Variants in RFX3 observed in about 807,000 individuals in gnomAD.
RFX3 encodes regulatory factor X3, also known as transcription factor RFX3.
RFX3 carries 14 observed loss-of-function variants against 98.6 expected under a neutral mutation model. That is an observed-to-expected ratio of 0.14 (90% confidence interval 0.09 to 0.22). The LOEUF (loss-of-function observed/expected upper bound fraction) is 0.22. RFX3 is among the 10% of genes least tolerant of loss of function. The pLI is 1.00. For synonymous variants in RFX3, 383 were observed against 328.4 expected, an observed-to-expected ratio of 1.17 and a Z score of -1.80; for missense variants, 639 against 926.9, an observed-to-expected ratio of 0.69 and a Z score of 4.03.
chr9:3,457,601 C>T (rs1847312663), intron 1 of RFX3, among the ~76,000 whole-genome samples: 1 of 152,048 alleles, frequency 6.6e-6, no homozygotes, highest in Non-Finnish European at 1.5e-5. Flanking sequence ...GAACATGTTC[C>T]AGTACTTAGT....
At chr9:3,450,779 T>G (rs779377928) in intron 1 of RFX3, among the ~76,000 whole-genome samples, 4 of 152,202 alleles carry the variant, frequency 2.6e-5, no homozygotes, top group Non-Finnish European at 5.9e-5. Flanking sequence ...AAAACAGTAA[T>G]AAGAATTCTT....
chr9:3,285,263 T>C (rs917568172), intron 7 of RFX3, among the ~76,000 whole-genome samples: 2 of 151,866 alleles, frequency 1.3e-5, no homozygotes, highest in East Asian at 1.9e-4. Context: ...TTCTATTTTA[T>C]ACTTTAAACC....
intron 1 of RFX3, chr9:3,420,734 T>A (rs1360966611): frequency 2.1e-6 from 2 of 951,640 alleles, no homozygotes; most frequent in African/African-American, 3.6e-5. Context: ...AACCCCTGTA[T>A]CCTTCCATAA....
chr9:3,400,863 G>T (rs972139643), intron 1 of RFX3, among the ~76,000 whole-genome samples: 2 of 152,128 alleles, frequency 1.3e-5, no homozygotes, highest in South Asian at 4.1e-4. Context: ...AGGCACAAAT[G>T]GATTAAATAA....
chr9:3,254,054 AAAT>A (rs1252233889), intron 14 of RFX3, among the ~76,000 whole-genome samples: 2 of 152,246 alleles, frequency 1.3e-5, no homozygotes, highest in African/African-American at 4.8e-5. Flanking sequence ...TTTGAAACGA[AAAT>A]AATAACTATA....
Position 3,400,082 on chromosome 9 carries a change from G to C in RFX3, c.-8-4486C>G, listed in dbSNP as rs147622942. 1.6e-5 allele frequency: 3 copies of C among 184,102 alleles called. No homozygotes were observed. The Admixed American group carries it at 2.0e-4, about 12-fold the overall frequency. 11.4% of individuals were successfully genotyped at this position (184,102 alleles called of 1,614,324 possible). A position where few individuals can be genotyped will look rare whatever the true frequency, so the allele number is the denominator to read the frequency against. ...GAAATGTATCACTAGATTAAAACTA[G>C]TGATTTTATCAATAGATGTATCACT... On this transcript the variant is annotated intron_variant, in intron 1 of 16. Transcript: ENST00000617270.
chr9:3,476,738 G>A (rs1380762829), intron 1 of RFX3, among the ~76,000 whole-genome samples: 3 of 152,168 alleles, frequency 2.0e-5, no homozygotes, highest in African/African-American at 7.2e-5. Context: ...AGAAAAAAAT[G>A]TTACAAACAA....
intron 1 of RFX3, among the ~76,000 whole-genome samples, chr9:3,445,885 G>T (rs763134856): frequency 6.6e-6 from 1 of 152,218 alleles, no homozygotes; most frequent in South Asian, 2.1e-4. Flanking sequence ...CCTGGTGAAT[G>T]AAGTTTTATC....
rs549304524 is a variant in RFX3, at chr9:3,389,047, G to C, written c.117+6425C>G. Among the ~76,000 whole-genome samples the C allele has an allele frequency of 4.6e-5, 7 of 152,230 alleles. No homozygotes were observed. The East Asian group carries it at 1.4e-3, about 29-fold the overall frequency. ...TTAGAGCCATGGTCAAGATGGCTTA[G>C]AAATTATCCTCAATGTTAGCAGTAT... On this transcript the variant is annotated intron_variant, in intron 2 of 16. Transcript: ENST00000617270.
At chr9:3,415,034 T>C (rs1736053292) in intron 1 of RFX3, among the ~76,000 whole-genome samples, 1 of 127,564 alleles carries the variant, frequency 7.8e-6, no homozygotes, top group East Asian at 2.2e-4. Context: ...ATATATTTAC[T>C]TTTATATATA....
intron 1 of RFX3, among the ~76,000 whole-genome samples, chr9:3,412,197 G>A (rs916221220): frequency 2.6e-5 from 4 of 152,096 alleles, no homozygotes; most frequent in African/African-American, 9.7e-5. Context: ...GACCACTAAA[G>A]GTCAACACTA....
intron 1 of RFX3, among the ~76,000 whole-genome samples, chr9:3,426,438 C>T (rs1844040783): frequency 6.6e-6 from 1 of 151,894 alleles, no homozygotes; most frequent in South Asian, 2.1e-4. Context: ...GGGTCCCCAA[C>T]CCCTCAACTG....
chr9:3,418,842 T>C (rs10115791), intron 1 of RFX3, among the ~76,000 whole-genome samples: 38,271 of 152,120 alleles, frequency 0.25, 7,730 homozygotes, highest in African/African-American at 0.56. Context: ...AAAACAAAGC[T>C]GGGGCAATCT....
chr9:3,269,377 T>C (rs185000854), intron 11 of RFX3, among the ~76,000 whole-genome samples: 1 of 152,234 alleles, frequency 6.6e-6, no homozygotes, highest in Non-Finnish European at 1.5e-5. Context: ...CCTATTTTCA[T>C]ATTTTCTAGA....
At chr9:3,364,033 G>A (rs1476454945) in intron 2 of RFX3, among the ~76,000 whole-genome samples, 2 of 152,122 alleles carry the variant, frequency 1.3e-5, no homozygotes, top group Non-Finnish European at 2.9e-5. Context: ...GTGCTGCCAT[G>A]CCCAATTAAT....
intron 2 of RFX3, among the ~76,000 whole-genome samples, chr9:3,370,074 C>T (rs2131543326): frequency 6.7e-6 from 1 of 150,142 alleles, no homozygotes; most frequent in East Asian, 2.0e-4. Flanking sequence ...ATCTCCTGAC[C>T]TCGTGATCCG....
chr9:3,424,102 G>C (rs1029153320), intron 1 of RFX3, among the ~76,000 whole-genome samples: 13 of 150,254 alleles, frequency 8.7e-5, no homozygotes, highest in Admixed American at 4.6e-4. Context: ...AGCTGAGATC[G>C]CGCCACTACA....
intron 1 of RFX3, among the ~76,000 whole-genome samples, chr9:3,521,430 A>G (rs1465282846): frequency 6.6e-6 from 1 of 152,170 alleles, no homozygotes; most frequent in Non-Finnish European, 1.5e-5. Context: ...TATATAATTA[A>G]AAATTTTTTT....
At chr9:3,381,455 C>A (rs969357080) in intron 2 of RFX3, among the ~76,000 whole-genome samples, 2 of 152,016 alleles carry the variant, frequency 1.3e-5, no homozygotes, top group African/African-American at 4.8e-5. Flanking sequence ...TTTCAACAAT[C>A]ATTTCAACAT....
Sources: allele counts gnomAD v4.1 joint callset (sites outside exome capture counted in the v4.1 genomes callset), GRCh38; gene constraint gnomAD v4.1.1; transcripts MANE v1.5; gene names NCBI Gene and HGNC (gene_info 2026-07-23, HGNC 2026-07-21).